Variants in FHOD3 observed in about 807,000 individuals in gnomAD.
The protein encoded by FHOD3 is FH1/FH2 domain-containing protein 3.
A neutral mutation model predicts 173.0 loss-of-function variants in FHOD3; 90 were observed. That is an observed-to-expected ratio of 0.52 (90% confidence interval 0.44 to 0.62). FHOD3 has a LOEUF of 0.62. Ranked by LOEUF, FHOD3 falls within the 20% of genes least tolerant of loss-of-function variation. The pLI, the probability that FHOD3 is intolerant of heterozygous loss-of-function variation, is 0.00. For missense variants in FHOD3, 1,945 were observed against 2,034.7 expected (o/e 0.96, Z 0.85); for synonymous variants, 828 against 823.0 (o/e 1.01, Z -0.10).
Position 36,742,780 on chromosome 18 carries a change from A to G in FHOD3, c.3803A>G (p.Gln1268Arg). 6.2e-7 allele frequency: 1 copy of G among 1,614,100 alleles called. No homozygotes were observed. The highest frequency in any genetic ancestry group is 8.5e-7 in the Non-Finnish European group (1 of 1,179,968). The change falls in exon 22 of 29, where the codon CAG (glutamine) becomes CGG (arginine). Residue 1268 changes from glutamine (Q) to arginine (R), a missense_variant. Transcript: ENST00000590592. ...PLLDLKEGID[Q>R]LENNKTLGFI... ...CTGGACCTGAAGGAAGGAATAGACC[A>G]GTTGGAGAACAATAAAACCTTGGGC...
At chr18:36,550,864 A>G (rs1404191229) in intron 5 of FHOD3, among the ~76,000 whole-genome samples, 1 of 152,166 alleles carries the variant, frequency 6.6e-6, no homozygotes, top group Non-Finnish European at 1.5e-5. Context: ...TCGTCTGTGA[A>G]TAAAGCCAGC....
intron 1 of FHOD3, among the ~76,000 whole-genome samples, chr18:36,321,902 T>C (rs907897569): frequency 5.3e-5 from 8 of 152,340 alleles, no homozygotes; most frequent in Admixed American, 3.9e-4. Flanking sequence ...GGCGATGCCC[T>C]GTGTTCTCAG....
At chr18:36,763,602 A>T (rs1368756927) in intron 27 of FHOD3, among the ~76,000 whole-genome samples, 5 of 148,052 alleles carry the variant, frequency 3.4e-5, no homozygotes, top group Non-Finnish European at 7.4e-5. Context: ...TATACACGTT[A>T]TATATAATAT....
At chr18:36,309,938 C>T (rs775863628) in intron 1 of FHOD3, among the ~76,000 whole-genome samples, 5 of 152,198 alleles carry the variant, frequency 3.3e-5, no homozygotes, top group African/African-American at 4.8e-5. Context: ...TTTGGGCCTC[C>T]GTCTCAAAGG....
intron 14 of FHOD3, among the ~76,000 whole-genome samples, chr18:36,675,765 C>A (rs375803261): frequency 4.3e-4 from 65 of 152,284 alleles, no homozygotes; most frequent in African/African-American, 1.5e-3. Context: ...TTAGTTGATT[C>A]ATCAGACAGT....
At chr18:36,664,503 A>T (rs1209611029) in intron 14 of FHOD3, among the ~76,000 whole-genome samples, 12 of 152,178 alleles carry the variant, frequency 7.9e-5, no homozygotes, top group Admixed American at 6.5e-5. Flanking sequence ...GGTTCTGTTG[A>T]TGCAGTAAGT....
chr18:36,653,656 G>A (rs1216907049), intron 13 of FHOD3, among the ~76,000 whole-genome samples: 1 of 152,162 alleles, frequency 6.6e-6, no homozygotes, highest in Non-Finnish European at 1.5e-5. Flanking sequence ...TTCAACAGGT[G>A]TCCACCTGTA....
At chr18:36,616,133 T>C (rs1568498308) in intron 9 of FHOD3, among the ~76,000 whole-genome samples, 1 of 152,198 alleles carries the variant, frequency 6.6e-6, no homozygotes, top group Non-Finnish European at 1.5e-5. Context: ...ATACTAAAGA[T>C]GGAAGAGGAA....
chr18:36,743,307 TCAAAAAAAAAAAA>T (rs2041995428), intron 22 of FHOD3, among the ~76,000 whole-genome samples: 1 of 31,320 alleles, frequency 3.2e-5, no homozygotes, highest in African/African-American at 1.6e-4. Flanking sequence ...AGACTCTGTC[TCAAAAAAAAAAAA>T]AAAAAAAAAA....
chr18:36,405,947 C>T (rs1302261696), intron 3 of FHOD3, among the ~76,000 whole-genome samples: 1 of 152,146 alleles, frequency 6.6e-6, no homozygotes. Context: ...ATCAGCTGCT[C>T]AGTGGTCTGT....
intron 3 of FHOD3, among the ~76,000 whole-genome samples, chr18:36,448,134 T>C (rs2051605300): frequency 6.6e-6 from 1 of 152,230 alleles, no homozygotes; most frequent in Admixed American, 6.5e-5. Context: ...TATTTTCATT[T>C]CACTCTAAGC....
intron 5 of FHOD3, among the ~76,000 whole-genome samples, chr18:36,525,544 C>G (rs12959841): frequency 0.56 from 84,367 of 151,994 alleles, 23,552 homozygotes; most frequent in East Asian, 0.62. Context: ...ATTTGTTATA[C>G]AGAGTTAGAA....
chr18:36,548,018 C>T (rs1465424407), intron 5 of FHOD3, among the ~76,000 whole-genome samples: 5 of 152,104 alleles, frequency 3.3e-5, no homozygotes, highest in Non-Finnish European at 7.4e-5. Context: ...ATGGTGAAAC[C>T]CTGTCTCTAC....
chr18:36,457,846 A>G (rs2052311813), intron 3 of FHOD3, among the ~76,000 whole-genome samples: 1 of 152,234 alleles, frequency 6.6e-6, no homozygotes. Context: ...ATCGGATGTT[A>G]CATAGTAGGC....
intron 18 of FHOD3, among the ~76,000 whole-genome samples, chr18:36,715,759 G>A (rs1192013230): frequency 2.6e-5 from 4 of 152,216 alleles, no homozygotes; most frequent in Admixed American, 2.0e-4. Flanking sequence ...AGCAGGAAAG[G>A]ATGATCAACA....
chr18:36,746,775 A>G (rs545571714), intron 23 of FHOD3, among the ~76,000 whole-genome samples, 170 bp from the exon 24 acceptor site: 20 of 152,366 alleles, frequency 1.3e-4, no homozygotes, highest in South Asian at 4.1e-4. Flanking sequence ...TGTGATGTCA[A>G]GATAATGACA....
chr18:36,401,134 C>T (rs1010762074), intron 3 of FHOD3, among the ~76,000 whole-genome samples: 2 of 152,118 alleles, frequency 1.3e-5, no homozygotes, highest in Non-Finnish European at 2.9e-5. Context: ...GGTGTCCCCC[C>T]AGATTCATGT....
chr18:36,513,561 C>A (rs2055781225), intron 5 of FHOD3, among the ~76,000 whole-genome samples: 1 of 152,132 alleles, frequency 6.6e-6, no homozygotes, highest in Non-Finnish European at 1.5e-5. Context: ...GAAAATCATA[C>A]ATGAAAAGTA....
chr18:36,653,649 A>G (rs191957911), intron 13 of FHOD3, among the ~76,000 whole-genome samples: 69 of 152,304 alleles, frequency 4.5e-4, no homozygotes, highest in African/African-American at 1.6e-3. Context: ...AAGAATGTTC[A>G]ACAGGTGTCC....
Sources: allele counts gnomAD v4.1 joint callset (sites outside exome capture counted in the v4.1 genomes callset), GRCh38; gene constraint gnomAD v4.1.1; transcripts MANE v1.5; gene names NCBI Gene and HGNC (gene_info 2026-07-23, HGNC 2026-07-21).